Variants in NCALD observed in about 807,000 individuals in gnomAD.
NCALD encodes the protein neurocalcin-delta.
In NCALD, 10 loss-of-function variants were observed where a neutral mutation model predicts 18.6. The ratio of observed to expected loss-of-function variants is 0.54; its 90% CI spans 0.33 to 0.91. The LOEUF is 0.91. Ranked by LOEUF, NCALD falls within the 40% of genes least tolerant of loss-of-function variation. The pLI, the probability that NCALD is intolerant of heterozygous loss-of-function variation, is 0.03. For synonymous variants in NCALD, 88 were observed against 87.4 expected (o/e 1.01, Z -0.04); for missense variants, 184 against 247.6 (o/e 0.74, Z 1.72).
intron 4 of NCALD, among the ~76,000 whole-genome samples, chr8:101,815,994 G>A (rs566401849): frequency 7.9e-5 from 12 of 152,210 alleles, no homozygotes; most frequent in African/African-American, 2.9e-4. Context: ...CGAAAAGACA[G>A]GGAGGGTCCT....
intron 4 of NCALD, among the ~76,000 whole-genome samples, chr8:101,802,663 C>T (rs1156426722): frequency 1.3e-5 from 2 of 151,960 alleles, no homozygotes; most frequent in Non-Finnish European, 2.9e-5. Context: ...CACAACATTT[C>T]CTTAAGCCAA....
At chr8:101,906,419 A>G (rs900367273) in intron 3 of NCALD, among the ~76,000 whole-genome samples, 9 of 152,174 alleles carry the variant, frequency 5.9e-5, no homozygotes, top group African/African-American at 2.2e-4. Flanking sequence ...GGCTTTGCAT[A>G]CCGTTCGGTC....
intron 3 of NCALD, chr8:101,692,553 C>T (rs1814778059): frequency 1.0e-6 from 1 of 985,418 alleles, no homozygotes; most frequent in Admixed American, 6.1e-5. Flanking sequence ...ATTCTGTTTT[C>T]TTGGAGGTAG....
At chr8:101,768,925 G>T (rs919997193) in intron 1 of NCALD, among the ~76,000 whole-genome samples, 1 of 152,164 alleles carries the variant, frequency 6.6e-6, no homozygotes, top group Non-Finnish European at 1.5e-5. Flanking sequence ...TAAGAATCTT[G>T]AGGAGGGAAG....
intron 4 of NCALD, among the ~76,000 whole-genome samples, chr8:101,864,825 A>C (rs1815700232): frequency 6.6e-6 from 1 of 151,940 alleles, no homozygotes; most frequent in African/African-American, 2.4e-5. Flanking sequence ...AGAACTCCTG[A>C]CCTCAGGTGA....
At chr8:102,121,777 T>A (rs1379469504) in intron 1 of NCALD, among the ~76,000 whole-genome samples, 1 of 152,200 alleles carries the variant, frequency 6.6e-6, no homozygotes, top group East Asian at 1.9e-4. Context: ...AAGGATCCCA[T>A]CAGTTTCAAG....
At chr8:102,012,492 C>T (rs182131729) in intron 2 of NCALD, among the ~76,000 whole-genome samples, 9 of 152,330 alleles carry the variant, frequency 5.9e-5, no homozygotes, top group South Asian at 2.1e-4. Context: ...ACGACAAGGA[C>T]GTAAGGAGAG....
intron 1 of NCALD, among the ~76,000 whole-genome samples, chr8:102,049,151 A>G (rs1445592224): frequency 6.6e-6 from 1 of 152,220 alleles, no homozygotes; most frequent in Non-Finnish European, 1.5e-5. Context: ...TCCCACAGCC[A>G]GTAGCCATCT....
At chr8:101,853,966 T>G (rs1208342952) in intron 4 of NCALD, among the ~76,000 whole-genome samples, 1 of 152,178 alleles carries the variant, frequency 6.6e-6, no homozygotes, top group Non-Finnish European at 1.5e-5. Context: ...AGCCACTGCA[T>G]GAGGCACAAA....
chr8:101,912,126 A>G (rs1404147307), intron 3 of NCALD, among the ~76,000 whole-genome samples: 1 of 152,326 alleles, frequency 6.6e-6, no homozygotes, highest in East Asian at 1.9e-4. Context: ...AACTCATAAA[A>G]TTAGTGAAAA....
At chr8:101,973,404 T>C (rs1205988670) in intron 2 of NCALD, among the ~76,000 whole-genome samples, 1 of 152,172 alleles carries the variant, frequency 6.6e-6, no homozygotes. Context: ...ATACTTAGAC[T>C]GAGGTTAGGG....
intron 1 of NCALD, among the ~76,000 whole-genome samples, chr8:102,032,705 T>C (rs1182702334): frequency 2.0e-5 from 3 of 151,142 alleles, no homozygotes; most frequent in African/African-American, 7.3e-5. Context: ...GAAATATTTG[T>C]ATCTCATGTG....
intron 1 of NCALD, among the ~76,000 whole-genome samples, chr8:101,740,269 G>A (rs1810129390): frequency 6.6e-6 from 1 of 152,210 alleles, no homozygotes; most frequent in Non-Finnish European, 1.5e-5. Flanking sequence ...GCTGCCCAGT[G>A]CTATGGACTG....
chr8:102,092,608 G>T (rs1824960531), intron 1 of NCALD, among the ~76,000 whole-genome samples: 2 of 152,144 alleles, frequency 1.3e-5, no homozygotes, highest in South Asian at 4.2e-4. Context: ...GCTTCCTCTT[G>T]CTCCCTGTGA....
chr8:102,033,671 T>C (rs1285965663), intron 1 of NCALD, among the ~76,000 whole-genome samples: 1 of 152,136 alleles, frequency 6.6e-6, no homozygotes, highest in Non-Finnish European at 1.5e-5. Context: ...GGGTCCCAAT[T>C]ACTAAGCTAA....
intron 4 of NCALD, among the ~76,000 whole-genome samples, chr8:101,817,860 T>C (rs1813561744): frequency 1.3e-5 from 2 of 152,230 alleles, no homozygotes; most frequent in South Asian, 4.1e-4. Flanking sequence ...GGAGCAATAC[T>C]ATATCCTCAC....
At chr8:101,908,433 C>T (rs1253667218) in intron 3 of NCALD, among the ~76,000 whole-genome samples, 1 of 152,128 alleles carries the variant, frequency 6.6e-6, no homozygotes, top group Non-Finnish European at 1.5e-5. Context: ...TCTCCTCTGA[C>T]CCCACAAACA....
At chr8:101,874,924 G>T (rs1279292149) in intron 4 of NCALD, among the ~76,000 whole-genome samples, 1 of 152,016 alleles carries the variant, frequency 6.6e-6, no homozygotes, top group Admixed American at 6.6e-5. Flanking sequence ...GAAAGGAGAG[G>T]AATCAATGGA....
chr8:101,862,379 C>T (rs1815578587), intron 4 of NCALD, among the ~76,000 whole-genome samples: 1 of 152,180 alleles, frequency 6.6e-6, no homozygotes, highest in Non-Finnish European at 1.5e-5. Flanking sequence ...ACAGGCACAA[C>T]ATTTTTTTTA....
Sources: gnomAD v4.1 joint callset for allele counts (sites outside exome capture counted in the v4.1 genomes callset) on GRCh38, gnomAD v4.1.1 for gene constraint, MANE v1.5 for transcripts, NCBI Gene and HGNC (gene_info 2026-07-23, HGNC 2026-07-21) for gene names.